Variants in RASSF8 observed in about 807,000 individuals in gnomAD.
The protein encoded by RASSF8 is Ras association domain family member 8, also known as ras association domain-containing protein 8.
In RASSF8, 22 loss-of-function variants were observed where a neutral mutation model predicts 48.5. The observed-to-expected ratio is 0.45, with a 90% CI of 0.32 to 0.65. The LOEUF is 0.65. Ranked by LOEUF, RASSF8 falls within the 30% of genes least tolerant of loss-of-function variation. RASSF8 has a pLI of 0.03. For missense variants in RASSF8, 418 were observed against 489.2 expected, an observed-to-expected ratio of 0.85 and a Z score of 1.37; for synonymous variants, 127 against 171.5, an observed-to-expected ratio of 0.74 and a Z score of 2.03.
At chr12:25,984,377 C>G (rs1358807073) in intron 1 of RASSF8, among the ~76,000 whole-genome samples, 1 of 152,078 alleles carries the variant, frequency 6.6e-6, no homozygotes, top group Non-Finnish European at 1.5e-5. Flanking sequence ...GAGTTCTGCT[C>G]TGTCACCCAG....
In RASSF8 at chr12:26,064,977, G is replaced by A. The variant is rs1388659862; in HGVS notation, c.583G>A (p.Glu195Lys). ...TAATGAAATAGAAATAAGATTTTGG[G>A]AGCAAAAGTATAATTCCAACCTTGA... ...ESNEIEIRFW[E>K]QKYNSNLEEE... Residue 195 changes from glutamate (E) to lysine (K), a missense_variant, in exon 4 of 6, where the codon GAG becomes AAG. Physicochemically the swap from Glu to Lys is moderately conservative, Grantham distance 56. Coordinates refer to ENST00000689635, the MANE Select transcript of RASSF8 (RefSeq NM_001394098.1). The A allele has an allele frequency of 1.2e-6, 2 of 1,613,564 alleles. No individual in the cohort carries two copies. The highest frequency in any genetic ancestry group is 1.7e-6 in the Non-Finnish European group (2 of 1,179,848).
At chr12:25,987,328 C>G (rs1348565628) in intron 1 of RASSF8, among the ~76,000 whole-genome samples, 1 of 152,166 alleles carries the variant, frequency 6.6e-6, no homozygotes, top group African/African-American at 2.4e-5. Context: ...GTGAGCTATG[C>G]GGTCATGCCT....
chr12:26,043,806 G>A (rs1943316410), intron 2 of RASSF8, among the ~76,000 whole-genome samples: 1 of 152,070 alleles, frequency 6.6e-6, no homozygotes, highest in Non-Finnish European at 1.5e-5. Flanking sequence ...ATAATGTAAC[G>A]CCAAAGAAAC....
At chr12:26,022,117 T>C (rs1047502710) in intron 2 of RASSF8, among the ~76,000 whole-genome samples, 14 of 152,106 alleles carry the variant, frequency 9.2e-5, no homozygotes, top group African/African-American at 3.1e-4. Context: ...ATTTATACTC[T>C]AGAACATTGT....
chr12:25,962,312 A>T (rs1941255661), intron 1 of RASSF8, among the ~76,000 whole-genome samples: 1 of 152,172 alleles, frequency 6.6e-6, no homozygotes, highest in African/African-American at 2.4e-5. Context: ...CTTGGGTGCT[A>T]GCTCAAATGT....
intron 1 of RASSF8, among the ~76,000 whole-genome samples, chr12:25,980,959 C>T (rs1941727866): frequency 6.6e-6 from 1 of 151,956 alleles, no homozygotes; most frequent in East Asian, 1.9e-4. Context: ...GGTTGTTGTC[C>T]AGTAGAAAAT....
At chr12:26,079,760 T>G (rs1944101829) in exon 6 of RASSF8, 2 of 152,070 alleles carry the variant, frequency 1.3e-5, no homozygotes, top group Admixed American at 6.6e-5. Context: ...AGATAAGAGA[T>G]AGCAAGTGTC....
chr12:26,011,110 C>T (rs963888527), intron 2 of RASSF8, among the ~76,000 whole-genome samples: 6 of 152,182 alleles, frequency 3.9e-5, no homozygotes, highest in African/African-American at 1.4e-4. Flanking sequence ...ACATTAGAAA[C>T]CACAGGAACC....
chr12:26,037,282 CA>C (rs1943173785), intron 2 of RASSF8, among the ~76,000 whole-genome samples: 1 of 152,182 alleles, frequency 6.6e-6, no homozygotes, highest in South Asian at 2.1e-4. Context: ...ATATTTTAAG[CA>C]ATATCAGTGA....
intron 2 of RASSF8, among the ~76,000 whole-genome samples, chr12:26,038,091 C>T (rs560569645): frequency 6.6e-6 from 1 of 152,292 alleles, no homozygotes; most frequent in South Asian, 2.1e-4. Flanking sequence ...TTATAAACTT[C>T]TGGAGTCAAC....
At chr12:26,030,906 C>T (rs755819204) in intron 2 of RASSF8, among the ~76,000 whole-genome samples, 3 of 152,104 alleles carry the variant, frequency 2.0e-5, no homozygotes, top group Non-Finnish European at 2.9e-5. Flanking sequence ...ATAGACAGTA[C>T]GTAAATGAAT....
At chr12:26,023,448 A>T (rs1366533713) in intron 2 of RASSF8, among the ~76,000 whole-genome samples, 1 of 152,218 alleles carries the variant, frequency 6.6e-6, no homozygotes, top group Non-Finnish European at 1.5e-5. Context: ...TCTCATCGGA[A>T]ACAATGAAAA....
At chr12:25,996,422 A>C (rs908441104) in intron 2 of RASSF8, among the ~76,000 whole-genome samples, 1 of 152,120 alleles carries the variant, frequency 6.6e-6, no homozygotes, top group Non-Finnish European at 1.5e-5. Context: ...ATTAAGGAGG[A>C]TCTATGTGTA....
intron 1 of RASSF8, among the ~76,000 whole-genome samples, chr12:25,964,982 G>T (rs970131511): frequency 2.0e-5 from 3 of 151,520 alleles, no homozygotes; most frequent in African/African-American, 7.3e-5. Flanking sequence ...TTGCTCTGTC[G>T]TCCAGGCTGG....
chr12:26,043,063 A>G (rs1943299623), intron 2 of RASSF8, among the ~76,000 whole-genome samples: 1 of 152,112 alleles, frequency 6.6e-6, no homozygotes, highest in South Asian at 2.1e-4. Context: ...TTCGACAAAC[A>G]CACATGGTTC....
intron 2 of RASSF8, among the ~76,000 whole-genome samples, chr12:26,012,794 T>C (rs755123195): frequency 1.3e-5 from 2 of 151,638 alleles, no homozygotes; most frequent in African/African-American, 2.4e-5. Flanking sequence ...AGTCCTCCTG[T>C]CTCAGCCTTC....
chr12:26,067,277 G>A (rs1943896830), intron 4 of RASSF8, among the ~76,000 whole-genome samples: 2 of 152,080 alleles, frequency 1.3e-5, no homozygotes, highest in Admixed American at 1.3e-4. Flanking sequence ...AAAGTTTATA[G>A]ACATATTTAT....
chr12:26,038,608 A>AACACACACACACACACACACACACAC (rs57536643), intron 2 of RASSF8, among the ~76,000 whole-genome samples: 7 of 144,964 alleles, frequency 4.8e-5, no homozygotes, highest in South Asian at 4.6e-4. Flanking sequence ...TTCTTATTAA[A>AACACACACACACACACACACACACAC]ACACACACAC....
chr12:26,012,025 G>GT (rs1304360164), intron 2 of RASSF8, among the ~76,000 whole-genome samples: 1 of 152,156 alleles, frequency 6.6e-6, no homozygotes, highest in African/African-American at 2.4e-5. Flanking sequence ...TGTAGTGAAT[G>GT]TTTTTTGAAA....
Sources: gnomAD v4.1 joint callset for allele counts (sites outside exome capture counted in the v4.1 genomes callset) on GRCh38, gnomAD v4.1.1 for gene constraint, MANE v1.5 for transcripts, NCBI Gene and HGNC (gene_info 2026-07-23, HGNC 2026-07-21) for gene names.